The following RANBP2 variants were observed in gnomAD, a reference collection of about 807,000 sequenced individuals.
RANBP2 encodes the protein RAN binding protein 2, also known as E3 SUMO-protein ligase RanBP2.
Under a neutral mutation model 303.6 loss-of-function variants are expected in RANBP2, and 57 were observed. The ratio of observed to expected loss-of-function variants is 0.19; its 90% CI spans 0.15 to 0.23. The LOEUF is 0.23. Among genes scored for constraint, RANBP2 ranks in the 10% least tolerant of loss-of-function variants. RANBP2 has a pLI of 1.00. For missense variants in RANBP2, 3,138 were observed against 3,780.8 expected (o/e 0.83, Z 4.46); for synonymous variants, 1,167 against 1,301.5 (o/e 0.90, Z 2.23).
the RANBP2 span, among the ~76,000 whole-genome samples, chr2:109,679,540 C>A: frequency 6.6e-6 from 1 of 152,164 alleles, no homozygotes; most frequent in Non-Finnish European, 1.5e-5. Flanking sequence ...TTACACCCAC[C>A]GGCTCCAGGA....
chr2:109,623,416 C>T, the RANBP2 span, among the ~76,000 whole-genome samples: 3 of 152,110 alleles, frequency 2.0e-5, no homozygotes, highest in Non-Finnish European at 4.4e-5. Context: ...GGCTTGTACT[C>T]GGGGGCTGTT....
the RANBP2 span, among the ~76,000 whole-genome samples, chr2:109,008,230 T>C: frequency 0.071 from 10,758 of 152,172 alleles, 709 homozygotes; most frequent in African/African-American, 0.17. Flanking sequence ...TGCTAGAGAG[T>C]AAGCTCCTTG....
chr2:109,202,990 C>A, the RANBP2 span, among the ~76,000 whole-genome samples: 2 of 152,216 alleles, frequency 1.3e-5, no homozygotes, highest in Admixed American at 1.3e-4. Flanking sequence ...TTGTGCCTAA[C>A]AAGGTAACAC....
the RANBP2 span, chr2:109,128,351 GCCGCGGCGGGCGCTAGAGC>G: frequency 2.0e-5 from 3 of 152,312 alleles, no homozygotes; most frequent in African/African-American, 7.2e-5. Flanking sequence ...ACGAGACTGC[GCCGCGGCGGGCGCTAGAGC>G]CCCTCGCACA....
chr2:109,404,374 T>C, the RANBP2 span, among the ~76,000 whole-genome samples: 75 of 152,272 alleles, frequency 4.9e-4, 2 homozygotes, highest in South Asian at 0.015. Context: ...GGGGTGCCGA[T>C]GCAGAACAGG....
At chr2:109,518,408 G>A in the RANBP2 span, among the ~76,000 whole-genome samples, 1 of 152,166 alleles carries the variant, frequency 6.6e-6, no homozygotes, top group Non-Finnish European at 1.5e-5. Flanking sequence ...GGGGTTCAGA[G>A]AGGTTAGGTA....
intron 4 of RANBP2, 35 bp downstream of exon 4, chr2:108,731,509 G>T (rs370713324): frequency 2.7e-5 from 44 of 1,610,082 alleles, no homozygotes; most frequent in Non-Finnish European, 3.2e-5. Flanking sequence ...GAAAACTTAA[G>T]ACATAACCAT....
the RANBP2 span, among the ~76,000 whole-genome samples, chr2:109,693,645 G>T: frequency 6.6e-6 from 1 of 152,122 alleles, no homozygotes; most frequent in Non-Finnish European, 1.5e-5. Context: ...TGATTGTGAG[G>T]CCTCTTCAGC....
chr2:108,834,326 C>T, the RANBP2 span, among the ~76,000 whole-genome samples: 1 of 151,676 alleles, frequency 6.6e-6, no homozygotes, highest in Non-Finnish European at 1.5e-5. Flanking sequence ...AATTCTCTTG[C>T]CTCAGCCTCC....
chr2:108,846,926 T>C, the RANBP2 span: 1 of 1,566,992 alleles, frequency 6.4e-7, no homozygotes, highest in Non-Finnish European at 8.8e-7. Context: ...AAACAGTCAC[T>C]CAAGGTAAGC....
At chr2:109,420,207 G>A in the RANBP2 span, among the ~76,000 whole-genome samples, 1 of 152,228 alleles carries the variant, frequency 6.6e-6, no homozygotes, top group Non-Finnish European at 1.5e-5. Flanking sequence ...ACAGATAAGT[G>A]CAATTTTAAA....
chr2:108,763,917 G>A lies in RANBP2; in HGVS notation c.3378G>A (p.Arg1126=). The A allele has an allele frequency of 6.2e-7, 1 of 1,613,814 alleles. No individual in the cohort carries two copies. The highest frequency in any genetic ancestry group is 8.5e-7 in the Non-Finnish European group (1 of 1,179,964). The part of the protein sequence containing the change: ...GSSQQKNSGF[R]RSDDMFTFHG... ...GTCAGCAAAAGAATTCTGGTTTTCG[G>A]CGAAGTGATGATATGTTTACTTTCC... Residue 1126 remains arginine, a synonymous_variant, in exon 20 of 29, where the codon CGG becomes CGA. Transcript: ENST00000283195.
At chr2:108,971,405 A>G in the RANBP2 span, among the ~76,000 whole-genome samples, 199 of 152,028 alleles carry the variant, frequency 1.3e-3, no homozygotes, top group African/African-American at 4.7e-3. Context: ...CCCCCAGGTG[A>G]TTTGCGTGCA....
At chr2:109,218,284 T>C in the RANBP2 span, among the ~76,000 whole-genome samples, 5 of 152,204 alleles carry the variant, frequency 3.3e-5, no homozygotes, top group African/African-American at 1.2e-4. Flanking sequence ...CTTTCTTGGC[T>C]CTCTTGCCCC....
chr2:109,347,604 CCCGGCAGATCCACTGT>C, the RANBP2 span: 3 of 1,553,022 alleles, frequency 1.9e-6, no homozygotes, highest in Non-Finnish European at 2.6e-6. Context: ...CCCGGCCTGC[CCCGGCAGATCCACTGT>C]GGGGCATTGG....
At chr2:109,028,038 G>C in the RANBP2 span, among the ~76,000 whole-genome samples, 3 of 152,178 alleles carry the variant, frequency 2.0e-5, no homozygotes, top group Admixed American at 6.5e-5. Flanking sequence ...GGGGGGCCAA[G>C]ACAGGCAGAC....
the RANBP2 span, among the ~76,000 whole-genome samples, chr2:109,547,059 T>C: frequency 1.3e-5 from 2 of 152,132 alleles, no homozygotes; most frequent in Non-Finnish European, 2.9e-5. Context: ...TCCAGCCCCC[T>C]TCCCCAACCA....
the RANBP2 span, among the ~76,000 whole-genome samples, chr2:108,877,513 G>A: frequency 2.0e-5 from 3 of 152,020 alleles, no homozygotes; most frequent in African/African-American, 7.2e-5. Flanking sequence ...AAGCCAAAGT[G>A]CACATTAGAA....
chr2:109,585,437 T>C, the RANBP2 span: 2 of 859,306 alleles, frequency 2.3e-6, no homozygotes, highest in Admixed American at 2.7e-5. Context: ...AGGGTGCGCA[T>C]GAAAGAAATA....
Sources: allele counts gnomAD v4.1 joint callset (sites outside exome capture counted in the v4.1 genomes callset), GRCh38; gene constraint gnomAD v4.1.1; transcripts MANE v1.5; gene names NCBI Gene and HGNC (gene_info 2026-07-23, HGNC 2026-07-21).